Variants in SLC71A1 observed in about 807,000 individuals in gnomAD.
SLC71A1 encodes hippocampus abundant gene transcript 1.
chr1:100,044,782 T>C, the SLC71A1 span, among the ~76,000 whole-genome samples: 1 of 152,186 alleles, frequency 6.6e-6, no homozygotes, highest in Non-Finnish European at 1.5e-5. Flanking sequence ...CCTCCCAAGA[T>C]GCTGGGATTA....
At chr1:100,049,849 A>C in the SLC71A1 span, 1 of 811,570 alleles carries the variant, frequency 1.2e-6, no homozygotes, top group Non-Finnish European at 2.0e-6. Flanking sequence ...GTTATTGTTA[A>C]TAATTATAGA....
chr1:100,081,362 C>T, the SLC71A1 span, among the ~76,000 whole-genome samples: 1 of 151,618 alleles, frequency 6.6e-6, no homozygotes, highest in Non-Finnish European at 1.5e-5. Flanking sequence ...CTGTATGCTA[C>T]CTGATTTTAT....
chr1:100,063,777 C>G, the SLC71A1 span, among the ~76,000 whole-genome samples: 1 of 152,160 alleles, frequency 6.6e-6, no homozygotes, highest in Non-Finnish European at 1.5e-5. Context: ...ACATGAGCCA[C>G]AGAGCGAGAC....
the SLC71A1 span, among the ~76,000 whole-genome samples, chr1:100,063,954 C>A: frequency 6.6e-6 from 1 of 152,192 alleles, no homozygotes; most frequent in Non-Finnish European, 1.5e-5. Flanking sequence ...TGTAAATGCC[C>A]TCAAATGTCT....
At chr1:100,069,222 T>C in the SLC71A1 span, among the ~76,000 whole-genome samples, 1 of 152,190 alleles carries the variant, frequency 6.6e-6, no homozygotes, top group Non-Finnish European at 1.5e-5. Context: ...CTTTGTGATT[T>C]AGAGCATATG....
the SLC71A1 span, among the ~76,000 whole-genome samples, chr1:100,052,243 A>G: frequency 6.6e-6 from 1 of 152,070 alleles, no homozygotes; most frequent in Non-Finnish European, 1.5e-5. Flanking sequence ...GTGTATAGCT[A>G]TTTTTAAAAT....
chr1:100,071,261 A>G, the SLC71A1 span, among the ~76,000 whole-genome samples: 1 of 146,676 alleles, frequency 6.8e-6, no homozygotes, highest in East Asian at 2.0e-4. Context: ...AGACCAGCTC[A>G]AGCAACTTGG....
chr1:100,058,787 G>A, the SLC71A1 span: 6 of 845,346 alleles, frequency 7.1e-6, no homozygotes, highest in East Asian at 2.6e-5. Flanking sequence ...ACACGCACAC[G>A]GATGAACATA....
At chr1:100,066,988 CAAAAAAAAAAAA>C in the SLC71A1 span, among the ~76,000 whole-genome samples, 3 of 69,306 alleles carry the variant, frequency 4.3e-5, no homozygotes, top group Non-Finnish European at 7.4e-5. Flanking sequence ...GACTCCGTCT[CAAAAAAAAAAAA>C]AAAAAAAAAA....
At chr1:100,073,826 A>G in the SLC71A1 span, among the ~76,000 whole-genome samples, 1 of 152,220 alleles carries the variant, frequency 6.6e-6, no homozygotes, top group South Asian at 2.1e-4. Flanking sequence ...ATCTTGCTTA[A>G]GTCATTTAAC....
the SLC71A1 span, among the ~76,000 whole-genome samples, chr1:100,045,186 G>T: frequency 6.6e-6 from 1 of 152,024 alleles, no homozygotes; most frequent in Admixed American, 6.6e-5. Flanking sequence ...ACAGTGTTTT[G>T]TACTTTTCCT....
the SLC71A1 span, among the ~76,000 whole-genome samples, chr1:100,044,511 A>AT: frequency 0.18 from 18,768 of 103,062 alleles, 2,236 homozygotes; most frequent in African/African-American, 0.21. Flanking sequence ...TACTCTGCTG[A>AT]TTTTTTTTTT....
the SLC71A1 span, among the ~76,000 whole-genome samples, chr1:100,076,903 A>G: frequency 1.3e-5 from 2 of 152,180 alleles, no homozygotes; most frequent in Non-Finnish European, 2.9e-5. Flanking sequence ...TCAACTACTG[A>G]TTTAAGTGGT....
chr1:100,052,208 A>G, the SLC71A1 span, among the ~76,000 whole-genome samples: 2 of 152,310 alleles, frequency 1.3e-5, no homozygotes, highest in South Asian at 4.1e-4. Flanking sequence ...TGATGTTTCC[A>G]TAATTTGTTA....
chr1:100,065,625 CT>C, the SLC71A1 span, among the ~76,000 whole-genome samples: 1 of 148,722 alleles, frequency 6.7e-6, no homozygotes, highest in African/African-American at 2.5e-5. Context: ...TTCCCCTCCC[CT>C]TTTCCCTTTC....
chr1:100,080,676 A>G, the SLC71A1 span: 6 of 1,607,524 alleles, frequency 3.7e-6, no homozygotes, highest in South Asian at 5.5e-5. Flanking sequence ...CTCATTCAAC[A>G]TGATCAAATT....
the SLC71A1 span, among the ~76,000 whole-genome samples, chr1:100,046,219 T>TTTG: frequency 1.2e-5 from 1 of 81,650 alleles, no homozygotes; most frequent in African/African-American, 7.7e-5. Flanking sequence ...CTCGTTTTTT[T>TTTG]TTTTTTTTTT....
the SLC71A1 span, chr1:100,038,467 C>CGCGG: frequency 1.5e-6 from 1 of 679,318 alleles, no homozygotes; most frequent in Non-Finnish European, 2.6e-6. Flanking sequence ...CGCGGACCCG[C>CGCGG]ATGCCGCCGC....
chr1:100,058,981 CCT>C, the SLC71A1 span, among the ~76,000 whole-genome samples: 5 of 151,602 alleles, frequency 3.3e-5, no homozygotes, highest in Middle Eastern at 3.2e-3. Context: ...TAACAGATTC[CCT>C]GTTTTTATGT....
Sources: gnomAD v4.1 joint callset for allele counts (sites outside exome capture counted in the v4.1 genomes callset) on GRCh38, gnomAD v4.1.1 for gene constraint, MANE v1.5 for transcripts, NCBI Gene and HGNC (gene_info 2026-07-23, HGNC 2026-07-21) for gene names.